GABBR2: variants seen among roughly 807,000 people sequenced by gnomAD.
The protein encoded by GABBR2 is G-protein coupled receptor 51.
A neutral mutation model predicts 105.6 loss-of-function variants in GABBR2; 23 were observed. The ratio of observed to expected loss-of-function variants is 0.22; its 90% CI spans 0.16 to 0.31. The LOEUF (loss-of-function observed/expected upper bound fraction) is 0.31, where lower values mean the gene tolerates loss of function less well. Ranked by LOEUF, GABBR2 falls within the 10% of genes least tolerant of loss-of-function variation. The pLI is 1.00. For synonymous variants in GABBR2, 478 were observed against 499.7 expected (o/e 0.96, Z 0.58); for missense variants, 734 against 1,245.5 (o/e 0.59, Z 6.18).
intron 1 of GABBR2, among the ~76,000 whole-genome samples, chr9:98,583,562 A>G (rs1829031119): frequency 6.6e-6 from 1 of 152,208 alleles, no homozygotes; most frequent in Admixed American, 6.5e-5. Context: ...AGGTCCTTAC[A>G]GAGTATAGTG....
intron 7 of GABBR2, among the ~76,000 whole-genome samples, chr9:98,428,937 A>G (rs1414430899): frequency 1.3e-5 from 2 of 152,130 alleles, no homozygotes; most frequent in Non-Finnish European, 2.9e-5. Flanking sequence ...CTTGCACCAA[A>G]AGAGTCCTGA....
chr9:98,444,322 T>A (rs1588164367), intron 7 of GABBR2, among the ~76,000 whole-genome samples: 1 of 149,686 alleles, frequency 6.7e-6, no homozygotes, highest in Admixed American at 6.7e-5. Context: ...GGGGAGGGAG[T>A]TGCAATTTAA....
intron 7 of GABBR2, among the ~76,000 whole-genome samples, chr9:98,447,100 C>T (rs1399296712): frequency 9.9e-6 from 1 of 101,484 alleles, no homozygotes; most frequent in Non-Finnish European, 2.1e-5. Context: ...CTCGCTCTGT[C>T]GCCCAGGCTG....
intron 2 of GABBR2, among the ~76,000 whole-genome samples, chr9:98,545,851 CT>C (rs1281107230): frequency 6.6e-6 from 1 of 152,168 alleles, no homozygotes; most frequent in African/African-American, 2.4e-5. Flanking sequence ...CCTTCTTCCC[CT>C]AGCACAGTCA....
chr9:98,422,616 C>CT lies in GABBR2; in HGVS notation c.1237-16476dup, dbSNP rs201361532. ...AAGGATAGATATTAAAAGCACACTGCTTTTTTTTTAACTATTAAAGTTTTA... is the reference window on the plus strand; with the variant it reads ...AAGGATAGATATTAAAAGCACACTGCTTTTTTTTTTAACTATTAAAGTTTTA... On this transcript the variant is annotated intron_variant, in intron 7 of 18. Coordinates refer to ENST00000259455, the MANE Select transcript of GABBR2 (RefSeq NM_005458.8). 1.9e-3 allele frequency among the ~76,000 whole-genome samples: 286 copies of CT among 150,738 alleles called. 1 individual carries two copies. Among genetic ancestry groups the CT allele is most frequent in the East Asian group, 7.2e-3 (37 of 5,136 alleles).
intron 4 of GABBR2, among the ~76,000 whole-genome samples, chr9:98,491,427 G>A (rs916625857): frequency 6.6e-6 from 1 of 152,146 alleles, no homozygotes; most frequent in African/African-American, 2.4e-5. Flanking sequence ...TTGAACTTCT[G>A]GTCAGAATCA....
At chr9:98,664,292 A>G (rs367551222) in intron 1 of GABBR2, among the ~76,000 whole-genome samples, 24 of 152,314 alleles carry the variant, frequency 1.6e-4, no homozygotes, top group African/African-American at 4.8e-4. Flanking sequence ...AGTGATCCCC[A>G]TTGTATTCCC....
chr9:98,546,523 A>C (rs1006498031), intron 2 of GABBR2, among the ~76,000 whole-genome samples: 2 of 152,244 alleles, frequency 1.3e-5, no homozygotes, highest in African/African-American at 4.8e-5. Flanking sequence ...ATATTTATCA[A>C]GATAAAATAA....
intron 3 of GABBR2, among the ~76,000 whole-genome samples, chr9:98,530,956 C>T (rs767851690): frequency 9.9e-5 from 15 of 152,122 alleles, no homozygotes; most frequent in Non-Finnish European, 2.2e-4. Context: ...TTGAGTCCTG[C>T]CCTGGGAGCC....
intron 4 of GABBR2, among the ~76,000 whole-genome samples, chr9:98,488,778 T>G (rs1399936334): frequency 9.2e-6 from 1 of 108,112 alleles, no homozygotes; most frequent in Non-Finnish European, 2.0e-5. Context: ...GAGGCTATGC[T>G]GACTGAGGAG....
At chr9:98,453,952 G>A (rs1198921254) in intron 7 of GABBR2, 29 bp downstream of exon 7, 1 of 1,488,702 alleles carries the variant, frequency 6.7e-7, no homozygotes, top group Admixed American at 1.7e-5. Flanking sequence ...GGAACACTAA[G>A]GAAAACAGCC....
chr9:98,303,445 C>A, intron 15 of GABBR2, 22 bp from the exon 16 acceptor site: 2 of 1,609,456 alleles, frequency 1.2e-6, no homozygotes, highest in Non-Finnish European at 1.7e-6. Flanking sequence ...AAGGTTGGGG[C>A]GGGGTTGAAG....
intron 1 of GABBR2, among the ~76,000 whole-genome samples, chr9:98,585,506 G>C (rs1461771967): frequency 1.5e-5 from 2 of 129,850 alleles, no homozygotes; most frequent in Admixed American, 1.6e-4. Context: ...TGGGGGGAGT[G>C]GGGAGGGATA....
At chr9:98,348,284 G>A (rs139391522) in intron 13 of GABBR2, among the ~76,000 whole-genome samples, 98 of 152,222 alleles carry the variant, frequency 6.4e-4, no homozygotes, top group Non-Finnish European at 1.0e-3. Flanking sequence ...ATTCTGTTCC[G>A]TTGGTCTATG....
intron 13 of GABBR2, among the ~76,000 whole-genome samples, chr9:98,313,358 T>C (rs1830664292): frequency 6.6e-6 from 1 of 152,190 alleles, no homozygotes; most frequent in Non-Finnish European, 1.5e-5. Context: ...GTTCCTAAGT[T>C]GTCACTACTT....
At chr9:98,314,752 G>A (rs183839853) in intron 13 of GABBR2, among the ~76,000 whole-genome samples, 1 of 152,206 alleles carries the variant, frequency 6.6e-6, no homozygotes, top group East Asian at 1.9e-4. Context: ...CCACAGGAGG[G>A]AAGATCTACA....
At chr9:98,381,411 A>G (rs1831973996) in intron 11 of GABBR2, among the ~76,000 whole-genome samples, 1 of 152,170 alleles carries the variant, frequency 6.6e-6, no homozygotes, top group South Asian at 2.1e-4. Context: ...GGTCCGAAGG[A>G]CAGAATCCAT....
intron 1 of GABBR2, among the ~76,000 whole-genome samples, chr9:98,627,120 C>T (rs1401519802): frequency 3.3e-5 from 5 of 152,110 alleles, no homozygotes; most frequent in Non-Finnish European, 7.4e-5. Flanking sequence ...ATCAGCTTCA[C>T]GGAGGCCAGC....
intron 13 of GABBR2, among the ~76,000 whole-genome samples, chr9:98,354,424 G>A (rs1831451990): frequency 6.6e-6 from 1 of 152,240 alleles, no homozygotes. Flanking sequence ...GAAAGACCTA[G>A]ATGGCATCTT....
Sources: gnomAD v4.1 joint callset for allele counts (sites outside exome capture counted in the v4.1 genomes callset) on GRCh38, gnomAD v4.1.1 for gene constraint, MANE v1.5 for transcripts, NCBI Gene and HGNC (gene_info 2026-07-23, HGNC 2026-07-21) for gene names.